The following INPP4A variants were observed in gnomAD, a reference collection of about 807,000 sequenced individuals.
INPP4A encodes inositol polyphosphate-4-phosphatase, type I, 107kD.
A neutral mutation model predicts 119.8 loss-of-function variants in INPP4A; 33 were observed. The ratio of observed to expected loss-of-function variants is 0.28; its 90% CI spans 0.21 to 0.37. The LOEUF is 0.37. Among genes scored for constraint, INPP4A ranks in the 10% least tolerant of loss-of-function variants. INPP4A has a pLI of 1.00. For missense variants in INPP4A, 956 were observed against 1,289.9 expected (o/e 0.74, Z 3.97); for synonymous variants, 496 against 500.7 (o/e 0.99, Z 0.12).
chr2:98,525,099 C>T lies in INPP4A; in HGVS notation c.151+4368C>T, dbSNP rs1055307919. Among the ~76,000 whole-genome samples the T allele has an allele frequency of 3.3e-5, 5 of 152,144 alleles. No homozygotes were observed. The South Asian group carries it at 8.3e-4, about 25-fold the overall frequency. ...TTTCCTATCTATTTCCTTGCTCATT[C>T]GCGTTGTTGGCAGAATTCAGTTGCT... On this transcript the variant is annotated intron_variant, in intron 4 of 24. Coordinates refer to ENST00000409851, the MANE Select transcript of INPP4A (RefSeq NM_001134225.2).
intron 4 of INPP4A, among the ~76,000 whole-genome samples, chr2:98,528,019 T>C (rs990557450): frequency 7.9e-5 from 12 of 152,102 alleles, no homozygotes; most frequent in African/African-American, 2.9e-4. Context: ...CATACACAGA[T>C]GGAAAAAACC....
chr2:98,512,158 T>C (rs11901568), intron 1 of INPP4A, among the ~76,000 whole-genome samples: 36,974 of 152,256 alleles, frequency 0.24, 4,645 homozygotes, highest in Middle Eastern at 0.35. Context: ...TACTGAGCTC[T>C]ATGCGGATGT....
intron 17 of INPP4A, among the ~76,000 whole-genome samples, chr2:98,561,558 TC>T (rs1246789462): frequency 6.6e-6 from 1 of 152,264 alleles, no homozygotes; most frequent in African/African-American, 2.4e-5. Flanking sequence ...TAGCCATTCT[TC>T]CTATACTACA....
chr2:98,535,891 A>G lies in INPP4A; in HGVS notation c.387+46A>G, dbSNP rs1203125840. ...TCGTGGGATTTTCTTCCCTTTGAAAAAATTATATAATCGTTTGAATGAGAG... is the reference window on the plus strand; with the variant it reads ...TCGTGGGATTTTCTTCCCTTTGAAAGAATTATATAATCGTTTGAATGAGAG... On this transcript the variant is annotated intron_variant, in intron 6 of 24. Coordinates refer to ENST00000409851, the MANE Select transcript of INPP4A (RefSeq NM_001134225.2). 4 of 959,588 alleles carry G rather than the reference A, an allele frequency of 4.2e-6. No homozygotes were observed. The South Asian group carries it at 5.7e-5, about 14-fold the overall frequency. The allele number at this position is 959,588 out of a possible 1,614,324, so 59.4% of individuals were successfully genotyped here.
At chr2:98,563,420 TA>T (rs1695849240) in intron 17 of INPP4A, 44 bp from the exon 18 acceptor site, 4 of 1,565,316 alleles carry the variant, frequency 2.6e-6, no homozygotes, top group Admixed American at 1.8e-5. Flanking sequence ...ACCTAATTCT[TA>T]AAATCTCTCT....
chr2:98,552,451 A>G (rs1693702312), intron 13 of INPP4A, among the ~76,000 whole-genome samples: 1 of 152,190 alleles, frequency 6.6e-6, no homozygotes, highest in Non-Finnish European at 1.5e-5. Context: ...TTAATAGATG[A>G]GGTTGTGAGG....
chr2:98,534,460 C>G (rs1026033785), intron 5 of INPP4A, among the ~76,000 whole-genome samples: 1 of 152,158 alleles, frequency 6.6e-6, no homozygotes, highest in African/African-American at 2.4e-5. Flanking sequence ...TCATGAAATT[C>G]TACTTCAGTA....
At position 98,563,600 on chromosome 2, in the gene INPP4A, G is replaced by A; in HGVS notation, c.1991G>A (p.Ser664Asn). ...DSAPTIATYLSLQYRRDVVFC... is the reference protein window; with the variant it reads ...DSAPTIATYLNLQYRRDVVFC... Reference sequence around the variant, plus strand: ...GCGCCCACCATAGCCACCTACCTGAGCCTGCAGTACCGCCGTGACGTGGTC... The same window carrying A: ...GCGCCCACCATAGCCACCTACCTGAACCTGCAGTACCGCCGTGACGTGGTC... The change falls in exon 18 of 25, where the codon AGC becomes AAC. Residue 664 changes from serine to asparagine, a missense_variant. Physicochemically the swap from Ser to Asn is conservative, Grantham distance 46 (BLOSUM62 1). Transcript: ENST00000409851. 1 of 1,613,392 alleles carries A rather than the reference G, an allele frequency of 6.2e-7. No individual in the cohort carries two copies. The highest frequency in any genetic ancestry group is 1.1e-5 in the South Asian group (1 of 91,060).
Position 98,568,610 on chromosome 2 carries a change from G to C in INPP4A, c.2460G>C (p.Glu820Asp). The change falls in exon 22 of 25, where the codon GAG becomes GAC. Residue 820 changes from glutamate (E) to aspartate (D), a missense_variant. This residue lies in a region of INPP4A where 304 missense variants were observed against 492.1 expected (regional missense o/e 0.62). Coordinates refer to ENST00000409851, the MANE Select transcript of INPP4A (RefSeq NM_001134225.2). ...CTTTACAAGAAGTCATCAACGTGGA[G>C]AGTTTGGTGCGGTTAAATTCCTACT... is the stretch of plus-strand genomic sequence containing the variant. ...DTSLQEVINV[E>D]SLVRLNSYFE... is the part of the protein sequence containing the mutation. 2 of 1,605,068 alleles carry C rather than the reference G, an allele frequency of 1.2e-6. No homozygotes were observed. The highest frequency in any genetic ancestry group is 1.7e-6 in the Non-Finnish European group (2 of 1,175,256).
chr2:98,529,805 T>G (rs1238739218), intron 4 of INPP4A, among the ~76,000 whole-genome samples: 1 of 152,138 alleles, frequency 6.6e-6, no homozygotes, highest in South Asian at 2.1e-4. Context: ...TTATGATATG[T>G]GAATCATATC....
intron 24 of INPP4A, 42 bp downstream of exon 24, chr2:98,577,185 C>A: frequency 6.5e-7 from 1 of 1,531,060 alleles, no homozygotes. Flanking sequence ...CTGCCCCGGC[C>A]CGTGTAAACT....
rs140651949 is a variant in INPP4A, at chr2:98,459,749, A to G, written c.-166+14664A>G. Reference sequence around the variant, plus strand: ...ACTGTGCCTGGCACAAAATAGGCATATAATCAATGTTTGTTGAGTGAACGA... The same window carrying G: ...ACTGTGCCTGGCACAAAATAGGCATGTAATCAATGTTTGTTGAGTGAACGA... On this transcript the variant is annotated intron_variant, in intron 1 of 24. Transcript: ENST00000409851. 2.9e-3 allele frequency among the ~76,000 whole-genome samples: 445 copies of G among 152,378 alleles called. 3 individuals are homozygous for G. Among genetic ancestry groups the G allele is most frequent in the African/African-American group, 0.01 (416 of 41,588 alleles).
At chr2:98,562,318 T>C (rs1049096937) in intron 17 of INPP4A, among the ~76,000 whole-genome samples, 1 of 151,672 alleles carries the variant, frequency 6.6e-6, no homozygotes, top group African/African-American at 2.4e-5. Flanking sequence ...GGGAATTCTT[T>C]TATATGTTTC....
intron 1 of INPP4A, among the ~76,000 whole-genome samples, chr2:98,503,129 C>T (rs1683434260): frequency 6.6e-6 from 1 of 152,122 alleles, no homozygotes; most frequent in African/African-American, 2.4e-5. Context: ...GAGCAGGGGT[C>T]TGTCTTTGCT....
chr2:98,586,445 G>T (rs186702492), intron 24 of INPP4A, among the ~76,000 whole-genome samples: 1 of 152,026 alleles, frequency 6.6e-6, no homozygotes, highest in Non-Finnish European at 1.5e-5. Flanking sequence ...GGGGAATTTT[G>T]TACTAAATTT....
chr2:98,536,329 G>A (rs979373876), intron 7 of INPP4A, 121 bp downstream of exon 7: 18 of 670,570 alleles, frequency 2.7e-5, no homozygotes, highest in East Asian at 1.6e-4. Flanking sequence ...GCCAGTCAGC[G>A]TGGGGACACT....
intron 13 of INPP4A, among the ~76,000 whole-genome samples, chr2:98,549,535 A>G (rs899641639): frequency 7.9e-5 from 12 of 152,094 alleles, no homozygotes; most frequent in Non-Finnish European, 1.5e-4. Context: ...ACAGTTAGAA[A>G]CCACGGTGTC....
intron 1 of INPP4A, among the ~76,000 whole-genome samples, chr2:98,503,764 C>T (rs1055753371): frequency 6.6e-6 from 1 of 152,242 alleles, no homozygotes; most frequent in African/African-American, 2.4e-5. Context: ...ACCAGGCTTG[C>T]GTGACAGGAT....
chr2:98,481,940 G>T (rs1468472219), intron 1 of INPP4A, among the ~76,000 whole-genome samples: 2 of 152,274 alleles, frequency 1.3e-5, no homozygotes, highest in Admixed American at 6.5e-5. Flanking sequence ...GTTGGAGTTG[G>T]ATTGTTTGAT....
Sources: gnomAD v4.1 joint callset for allele counts (sites outside exome capture counted in the v4.1 genomes callset) on GRCh38, gnomAD v4.1.1 for gene constraint, gnomAD v4.1.1 regional missense constraint, MANE v1.5 for transcripts, NCBI Gene and HGNC (gene_info 2026-07-23, HGNC 2026-07-21) for gene names.